The following EBF1 variants were observed in gnomAD, a reference collection of about 807,000 sequenced individuals.
EBF1 encodes the protein transcription factor COE1.
In EBF1, 10 loss-of-function variants were observed where a neutral mutation model predicts 68.4. The ratio of observed to expected loss-of-function variants is 0.15; its 90% CI spans 0.09 to 0.25. EBF1 has a LOEUF of 0.25. Ranked by LOEUF, EBF1 falls within the 10% of genes least tolerant of loss-of-function variation. The probability of loss-of-function intolerance (pLI) is 1.00; values close to 1 mark genes in which losing one functional copy is unlikely to be tolerated. For missense variants in EBF1, 509 were observed against 794.4 expected (o/e 0.64, Z 4.32); for synonymous variants, 298 against 299.8 (o/e 0.99, Z 0.06).
intron 7 of EBF1, among the ~76,000 whole-genome samples, chr5:158,837,355 C>T (rs1210757590): frequency 6.6e-6 from 1 of 152,222 alleles, no homozygotes; most frequent in African/African-American, 2.4e-5. Flanking sequence ...CATGATCCAT[C>T]TTCAGTTTGT....
intron 6 of EBF1, among the ~76,000 whole-genome samples, chr5:158,917,348 C>A (rs1340898918): frequency 6.6e-6 from 1 of 152,216 alleles, no homozygotes; most frequent in African/African-American, 2.4e-5. Context: ...TTACTCCTTT[C>A]ATTTGCTTAT....
At chr5:158,889,206 T>A (rs1476577090) in intron 6 of EBF1, among the ~76,000 whole-genome samples, 1 of 152,158 alleles carries the variant, frequency 6.6e-6, no homozygotes, top group Non-Finnish European at 1.5e-5. Context: ...ATGGTAAGCA[T>A]TCAACAAGTA....
chr5:159,083,406 T>C (rs1737944844), intron 5 of EBF1, among the ~76,000 whole-genome samples: 1 of 152,208 alleles, frequency 6.6e-6, no homozygotes, highest in African/African-American at 2.4e-5. Context: ...TCTGCTACTG[T>C]TTTAAAATTA....
Position 158,696,893 on chromosome 5 carries a change from CTTT to C in EBF1, c.*2215_*2217del. 1 of 190,346 alleles carries C rather than the reference CTTT, an allele frequency of 5.3e-6. No individual in the cohort carries two copies. The highest frequency in any genetic ancestry group is 1.1e-5 in the Non-Finnish European group (1 of 92,040). 11.8% of individuals were successfully genotyped at this position (190,346 alleles called of 1,614,324 possible). A position where few individuals can be genotyped will look rare whatever the true frequency, so the allele number is the denominator to read the frequency against. On this transcript the variant is annotated 3_prime_UTR_variant, in exon 16 of 16. Transcript: ENST00000313708. ...ACAGTTCTTTTGTGCTTTTCGATTTCTTTGTTTTTTTTTTTTTCTTTTTTTCTT... is the reference window on the plus strand; with the variant it reads ...ACAGTTCTTTTGTGCTTTTCGATTTCGTTTTTTTTTTTTTCTTTTTTTCTT...
chr5:158,864,840 G>A (rs889802076), intron 6 of EBF1, among the ~76,000 whole-genome samples: 3 of 152,162 alleles, frequency 2.0e-5, no homozygotes, highest in Non-Finnish European at 2.9e-5. Flanking sequence ...CACAGTGAGC[G>A]AGGAGGGAGG....
chr5:158,796,571 ATCTT>A lies in EBF1; in HGVS notation c.779-100_779-97del, dbSNP rs1779651022. ...AGAAAAAGGAAAAAAAAAATCTTTTATCTTTTCACTAACAGAAAGTCCCTCAAGA... is the reference window on the plus strand; with the variant it reads ...AGAAAAAGGAAAAAAAAAATCTTTTATTCACTAACAGAAAGTCCCTCAAGA... On this transcript the variant is annotated intron_variant, in intron 8 of 15. Transcript: ENST00000313708. 2.9e-6 allele frequency: 4 copies of A among 1,391,724 alleles called. No homozygotes were observed. In the East Asian group the frequency reaches 9.6e-5, roughly 33 times the overall value. 86.2% of individuals were successfully genotyped at this position (1,391,724 alleles called of 1,614,324 possible).
At chr5:159,035,465 A>G (rs547870778) in intron 6 of EBF1, among the ~76,000 whole-genome samples, 2 of 152,336 alleles carry the variant, frequency 1.3e-5, no homozygotes, top group East Asian at 3.9e-4. Context: ...TGACGTTATA[A>G]ATCACAGGAT....
chr5:159,047,513 C>T (rs1220828519), intron 6 of EBF1, among the ~76,000 whole-genome samples: 1 of 152,016 alleles, frequency 6.6e-6, no homozygotes, highest in Admixed American at 6.6e-5. Context: ...ACTAGTATGG[C>T]TGACAGAGAT....
chr5:158,858,079 G>A (rs1250937771), intron 6 of EBF1, among the ~76,000 whole-genome samples: 1 of 152,104 alleles, frequency 6.6e-6, no homozygotes, highest in African/African-American at 2.4e-5. Context: ...TGCACCATAA[G>A]GTCTGTCATA....
intron 6 of EBF1, among the ~76,000 whole-genome samples, chr5:158,975,276 C>A (rs937384316): frequency 1.2e-3 from 176 of 152,246 alleles, no homozygotes; most frequent in African/African-American, 4.0e-3. Context: ...CCACTCCCCC[C>A]AAAAAATATT....
intron 9 of EBF1, among the ~76,000 whole-genome samples, chr5:158,786,045 G>C (rs1288412828): frequency 6.6e-6 from 1 of 151,954 alleles, no homozygotes; most frequent in East Asian, 1.9e-4. Context: ...GATGCCATTA[G>C]CCACCACTAA....
At chr5:159,093,338 T>A (rs1435305691) in intron 4 of EBF1, among the ~76,000 whole-genome samples, 2 of 152,216 alleles carry the variant, frequency 1.3e-5, no homozygotes, top group Admixed American at 6.5e-5. Flanking sequence ...CTGATATTTT[T>A]TAGACTTAGA....
chr5:158,934,002 C>G (rs1010776686), intron 6 of EBF1, among the ~76,000 whole-genome samples: 2 of 152,172 alleles, frequency 1.3e-5, no homozygotes, highest in Non-Finnish European at 2.9e-5. Flanking sequence ...AAAAACGAAA[C>G]TTGCCCTCAT....
At chr5:158,910,023 G>A (rs188741424) in intron 6 of EBF1, among the ~76,000 whole-genome samples, 26 of 139,194 alleles carry the variant, frequency 1.9e-4, no homozygotes, top group Admixed American at 5.8e-4. Flanking sequence ...TAGAAGAGCA[G>A]ATTTTAGCAT....
intron 8 of EBF1, among the ~76,000 whole-genome samples, chr5:158,817,700 A>C (rs1271974474): frequency 6.6e-6 from 1 of 152,184 alleles, no homozygotes; most frequent in African/African-American, 2.4e-5. Context: ...GGCTTCCCTG[A>C]CACTTCATTA....
At chr5:158,847,081 T>C (rs1791673244) in intron 6 of EBF1, among the ~76,000 whole-genome samples, 1 of 152,176 alleles carries the variant, frequency 6.6e-6, no homozygotes. Context: ...AGTTTACCTT[T>C]TCCACTGGCC....
intron 6 of EBF1, among the ~76,000 whole-genome samples, chr5:158,938,688 CT>C (rs1262071668): frequency 1.3e-5 from 2 of 152,198 alleles, no homozygotes; most frequent in Non-Finnish European, 2.9e-5. Flanking sequence ...AGAGAGCGCT[CT>C]CCTCTCTTTT....
intron 6 of EBF1, among the ~76,000 whole-genome samples, chr5:158,904,115 A>C (rs1377773876): frequency 1.3e-5 from 2 of 152,182 alleles, no homozygotes; most frequent in Non-Finnish European, 2.9e-5. Flanking sequence ...CACCAAAGCA[A>C]GGGGAAGGAA....
At chr5:158,773,982 T>G (rs1774481992) in intron 10 of EBF1, among the ~76,000 whole-genome samples, 1 of 152,180 alleles carries the variant, frequency 6.6e-6, no homozygotes, top group Admixed American at 6.5e-5. Flanking sequence ...AGTGTTTTTG[T>G]TTCCTTCTCT....
Sources: allele counts gnomAD v4.1 joint callset (sites outside exome capture counted in the v4.1 genomes callset), GRCh38; gene constraint gnomAD v4.1.1; transcripts MANE v1.5; gene names NCBI Gene and HGNC (gene_info 2026-07-23, HGNC 2026-07-21).